ZNF490: variants seen among roughly 807,000 people sequenced by gnomAD.
ZNF490 encodes zinc finger protein 490.
ZNF490 carries 11 observed loss-of-function variants against 17.7 expected under a neutral mutation model. The ratio of observed to expected loss-of-function variants is 0.62; its 90% CI spans 0.39 to 1.03. The LOEUF is 1.03. ZNF490 is among the 50% of genes least tolerant of loss of function. ZNF490 has a pLI of 0.00. For synonymous variants in ZNF490, 222 were observed against 216.1 expected, an observed-to-expected ratio of 1.03 and a Z score of -0.24; for missense variants, 542 against 643.4, an observed-to-expected ratio of 0.84 and a Z score of 1.71.
In ZNF490 at chr19:12,578,385, G is replaced by T; in HGVS notation, c.*2100C>A. The T allele has an allele frequency of 1.0e-6, 1 of 985,616 alleles. No homozygotes were observed. The highest frequency in any genetic ancestry group is 1.2e-6 in the Non-Finnish European group (1 of 830,064). 61.1% of individuals were successfully genotyped at this position (985,616 alleles called of 1,614,324 possible). On this transcript the variant is annotated 3_prime_UTR_variant, in exon 5 of 5. Coordinates refer to ENST00000311437, the MANE Select transcript of ZNF490 (RefSeq NM_020714.3). Reference sequence around the variant, plus strand: ...CAGGGCTGGTAACCGCAGGAGAGTGGATGCTGTGTGGTCAAGGGGTGTGTG... The same window carrying T: ...CAGGGCTGGTAACCGCAGGAGAGTGTATGCTGTGTGGTCAAGGGGTGTGTG...
At position 12,577,763 on chromosome 19, in the gene ZNF490, C is replaced by T. The variant is rs979227406; in HGVS notation, c.*2722G>A. On this transcript the variant is annotated 3_prime_UTR_variant, in exon 5 of 5. Transcript: ENST00000311437. ...GAGGCCTAAAGAGTTCCGACCCGAG[C>T]GACACAAAGATCACTTCTGGGACCC... is the stretch of plus-strand genomic sequence containing the variant. 1.0e-5 allele frequency: 10 copies of T among 985,340 alleles called. No individual in the cohort carries two copies. The East Asian group carries it at 4.5e-4, about 45-fold the overall frequency. The allele number at this position is 985,340 out of a possible 1,614,324, so 61.0% of individuals were successfully genotyped here.
chr19:12,603,399 G>A (rs1599313370), intron 2 of ZNF490, among the ~76,000 whole-genome samples: 1 of 151,890 alleles, frequency 6.6e-6, no homozygotes, highest in African/African-American at 2.4e-5. Flanking sequence ...AGGTGGGAGG[G>A]TCACCTGAGC....
chr19:12,605,376 G>A (rs946827996), intron 2 of ZNF490, among the ~76,000 whole-genome samples: 11 of 151,976 alleles, frequency 7.2e-5, no homozygotes, highest in African/African-American at 1.9e-4. Flanking sequence ...AGCTACTTGC[G>A]GGGCTGATGA....
At chr19:12,601,141 C>A (rs2022997817) in intron 2 of ZNF490, among the ~76,000 whole-genome samples, 1 of 151,890 alleles carries the variant, frequency 6.6e-6, no homozygotes, top group Non-Finnish European at 1.5e-5. Flanking sequence ...GTAATCCCAG[C>A]ACTTTCGGAG....
intron 2 of ZNF490, among the ~76,000 whole-genome samples, chr19:12,594,927 G>C (rs2022914515): frequency 6.6e-6 from 1 of 152,172 alleles, no homozygotes; most frequent in African/African-American, 2.4e-5. Context: ...ATGATTGTCA[G>C]TTAGTGCATT....
Position 12,577,868 on chromosome 19 carries a change from G to C in ZNF490, c.*2617C>G, listed in dbSNP as rs899777955. On this transcript the variant is annotated 3_prime_UTR_variant, in exon 5 of 5. Coordinates refer to ENST00000311437, the MANE Select transcript of ZNF490 (RefSeq NM_020714.3). ...TGCCACCTCCCTTCTAAAACACACT[G>C]ACTTGCTAAGAAAAGGGGGGACTGA... 4.8e-5 allele frequency: 47 copies of C among 985,240 alleles called. No individual in the cohort carries two copies. The African/African-American group carries it at 7.7e-4, about 16-fold the overall frequency. 61.0% of individuals were successfully genotyped at this position (985,240 alleles called of 1,614,324 possible). A position where few individuals can be genotyped will look rare whatever the true frequency, so the allele number is the denominator to read the frequency against.
At position 12,581,616 on chromosome 19, in the gene ZNF490, T is replaced by C. The variant is rs762231497; in HGVS notation, c.459A>G (p.Leu153=). 2 of 1,614,094 alleles carry C rather than the reference T, an allele frequency of 1.2e-6. No individual in the cohort carries two copies. The highest frequency in any genetic ancestry group is 2.7e-5 in the African/African-American group (2 of 74,928). The change falls in exon 5 of 5, where the codon TTA becomes TTG. Residue 153 remains leucine (L), a synonymous_variant. Coordinates refer to ENST00000311437, the MANE Select transcript of ZNF490 (RefSeq NM_020714.3). ...CACACACACTGCAGTCACATGGTTT[T>C]AATCCAGTAGGAGTTTCCAGGTTCG... ...LNTNLETPTG[L]KPCDCSVCGE...
In ZNF490 at chr19:12,583,756, GCTCTCTCTCT is replaced by G. The variant is rs1195574032; in HGVS notation, c.163-210_163-201del. On this transcript the variant is annotated intron_variant, in intron 2 of 4. Coordinates refer to ENST00000311437, the MANE Select transcript of ZNF490 (RefSeq NM_020714.3). ...ATCGTGAACATACAAAAATTATTGC[GCTCTCTCTCT>G]CTCTCTCTCTCTCTCTCTCTCTCTC... 7.5e-3 allele frequency among the ~76,000 whole-genome samples: 221 copies of G among 29,618 alleles called. 1 individual carries two copies. Among genetic ancestry groups the G allele is most frequent in the African/African-American group, 0.023 (195 of 8,552 alleles). The allele number at this position is 29,618 out of a possible 152,430, so 19.4% of individuals were successfully genotyped here. A position where few individuals can be genotyped will look rare whatever the true frequency, so the allele number is the denominator to read the frequency against.
chr19:12,578,506 C>CA lies in ZNF490; in HGVS notation c.*1978dup, dbSNP rs1224765515. 1.0e-6 allele frequency: 1 copy of CA among 985,252 alleles called. No individual in the cohort carries two copies. The highest frequency in any genetic ancestry group is 1.1e-4 in the East Asian group (1 of 8,816). The allele number at this position is 985,252 out of a possible 1,614,324, so 61.0% of individuals were successfully genotyped here. ...AGATGTGAATGTTTAAACAAGTGTCCAAAGTGTAGGTTTGAGATGGGAAAT... is the reference window on the plus strand; with the variant it reads ...AGATGTGAATGTTTAAACAAGTGTCCAAAAGTGTAGGTTTGAGATGGGAAAT... On this transcript the variant is annotated 3_prime_UTR_variant, in exon 5 of 5. Coordinates refer to ENST00000311437, the MANE Select transcript of ZNF490 (RefSeq NM_020714.3).
intron 2 of ZNF490, among the ~76,000 whole-genome samples, chr19:12,602,787 G>C (rs1046111251): frequency 1.5e-4 from 23 of 151,702 alleles, no homozygotes; most frequent in Non-Finnish European, 3.1e-4. Context: ...ACCACGCCGG[G>C]CTAGTTTTTT....
At chr19:12,606,646 A>C (rs552336527) in intron 2 of ZNF490, among the ~76,000 whole-genome samples, 44 of 151,068 alleles carry the variant, frequency 2.9e-4, no homozygotes, top group African/African-American at 9.7e-4. Context: ...CACCTGGCCA[A>C]TTTTTTTTAT....
rs2022726390 is a variant in ZNF490, at chr19:12,581,098, T to G, written c.977A>C (p.Lys326Thr). 6.2e-7 allele frequency: 1 copy of G among 1,614,028 alleles called. No individual in the cohort carries two copies. The highest frequency in any genetic ancestry group is 2.2e-5 in the East Asian group (1 of 44,850). ...SCPTYLRSHE[K>T]THTGEKPFVC... is the part of the protein sequence containing the mutation. ...AAAAGGTTTCTCTCCAGTATGAGTTTTCTCATGACTCCGTAAGTACGTGGG... is the reference window on the plus strand; with the variant it reads ...AAAAGGTTTCTCTCCAGTATGAGTTGTCTCATGACTCCGTAAGTACGTGGG... Residue 326 changes from lysine to threonine, a missense_variant, in exon 5 of 5, where the codon AAA (lysine) becomes ACA (threonine). By Grantham distance (78) the Lys-to-Thr change is moderately conservative (BLOSUM62 -1). Transcript: ENST00000311437.
chr19:12,609,133 G>T, intron 2 of ZNF490, 25 bp downstream of exon 2: 1 of 1,612,986 alleles, frequency 6.2e-7, no homozygotes, highest in African/African-American at 1.3e-5. Flanking sequence ...AGGTAGCCAC[G>T]CTGACAGGTA....
intron 2 of ZNF490, among the ~76,000 whole-genome samples, chr19:12,584,099 C>CATGCCTG (rs1322036015): frequency 1.1e-3 from 104 of 91,366 alleles, no homozygotes; most frequent in Non-Finnish European, 1.5e-3. Flanking sequence ...CGTGAGCCAC[C>CATGCCTG]GCACCCTGCC....
In ZNF490 at chr19:12,584,363, A is replaced by G. The variant is rs1316138935; in HGVS notation, c.163-807T>C. Among the ~76,000 whole-genome samples the G allele has an allele frequency of 1.8e-4, 16 of 88,938 alleles. 6 individuals are homozygous for G. In the South Asian group the frequency reaches 2.1e-3, roughly 12 times the overall value. The allele number at this position is 88,938 out of a possible 152,430, so 58.3% of individuals were successfully genotyped here. On this transcript the variant is annotated intron_variant, in intron 2 of 4. Coordinates refer to ENST00000311437, the MANE Select transcript of ZNF490 (RefSeq NM_020714.3). ...AGTAGAGACGGGGTTTCACCATGTTAGCCAGGATGGTCTTGATCTCCTGAC... is the reference window on the plus strand; with the variant it reads ...AGTAGAGACGGGGTTTCACCATGTTGGCCAGGATGGTCTTGATCTCCTGAC...
rs879747918 is a variant in ZNF490, at chr19:12,583,811, ATTTTT to A, written c.163-260_163-256del. 2.9e-3 allele frequency among the ~76,000 whole-genome samples: 226 copies of A among 78,662 alleles called. 1 individual carries two copies. Among genetic ancestry groups the A allele is most frequent in the African/African-American group, 9.4e-3 (185 of 19,640 alleles). 51.6% of individuals were successfully genotyped at this position (78,662 alleles called of 152,430 possible). ...TCTCTCTATATATATATATATATAT[ATTTTT>A]TTTTTTTTTTTTTTGAAACATTCTT... On this transcript the variant is annotated intron_variant, in intron 2 of 4. Transcript: ENST00000311437.
chr19:12,604,106 A>C (rs1210890443), intron 2 of ZNF490, among the ~76,000 whole-genome samples: 1 of 152,248 alleles, frequency 6.6e-6, no homozygotes, highest in Non-Finnish European at 1.5e-5. Flanking sequence ...ACCATAATAA[A>C]GCCACCATAA....
chr19:12,598,870 C>T (rs2145159420), intron 2 of ZNF490, among the ~76,000 whole-genome samples: 1 of 151,388 alleles, frequency 6.6e-6, no homozygotes, highest in Non-Finnish European at 1.5e-5. Flanking sequence ...ACCTGTAGTC[C>T]CAGCTACTAG....
chr19:12,581,287 G>GTGAGATATCTGAA lies in ZNF490; in HGVS notation c.775_787dup (p.Thr263IlefsTer11). On this transcript the variant is annotated frameshift_variant, in exon 5 of 5. Transcript: ENST00000311437. LOFTEE classifies it low-confidence loss of function (END_TRUNC). ...ATTTTTTTCATGGCGCCGAAGAGCA[G>GTGAGATATCTGAA]TGAGATATCTGAATGCCTTCCCACA... 6.2e-7 allele frequency: 1 copy of GTGAGATATCTGAA among 1,614,150 alleles called. No homozygotes were observed. Among genetic ancestry groups the GTGAGATATCTGAA allele is most frequent in the Non-Finnish European group, 8.5e-7 (1 of 1,180,018 alleles).
Sources: allele counts gnomAD v4.1 joint callset (sites outside exome capture counted in the v4.1 genomes callset), GRCh38; gene constraint gnomAD v4.1.1; transcripts MANE v1.5; gene names NCBI Gene and HGNC (gene_info 2026-07-23, HGNC 2026-07-21).